B3GALT1: variants seen among roughly 807,000 people sequenced by gnomAD.
B3GALT1 encodes beta-1,3-galactosyltransferase 1.
Under a neutral mutation model 23.2 loss-of-function variants are expected in B3GALT1, and 10 were observed. The ratio of observed to expected loss-of-function variants is 0.43; its 90% CI spans 0.27 to 0.73. The LOEUF (loss-of-function observed/expected upper bound fraction) is 0.73, where lower values mean the gene tolerates loss of function less well. Among genes scored for constraint, B3GALT1 ranks in the 30% least tolerant of loss-of-function variants. The pLI is 0.21. For missense variants in B3GALT1, 299 were observed against 405.4 expected (o/e 0.74, Z 2.25); for synonymous variants, 156 against 141.5 (o/e 1.10, Z -0.73).
At chr2:167,724,479 A>G (rs1574232009) in intron 3 of B3GALT1, among the ~76,000 whole-genome samples, 1 of 152,214 alleles carries the variant, frequency 6.6e-6, no homozygotes, top group Non-Finnish European at 1.5e-5. Flanking sequence ...TTATGCCTCT[A>G]TAGTAGTTTT....
At chr2:167,603,081 T>G (rs1438418467) in intron 2 of B3GALT1, among the ~76,000 whole-genome samples, 2 of 152,176 alleles carry the variant, frequency 1.3e-5, no homozygotes, top group Non-Finnish European at 2.9e-5. Context: ...AAACAGGGAT[T>G]GCACACAAGT....
At position 167,512,607 on chromosome 2, in the gene B3GALT1, T is replaced by TATATATATATAC. The variant is rs1558887854; in HGVS notation, c.-410+22330_-410+22331insATATATATATAC. Reference sequence around the variant, plus strand: ...ATATATATATGTGTATATATATATATGTATATATATATACGTGTATATATA... The same window carrying TATATATATATAC: ...ATATATATATGTGTATATATATATATATATATATATACGTATATATATATACGTGTATATATA... On this transcript the variant is annotated intron_variant, in intron 2 of 4. Coordinates refer to ENST00000392690, the MANE Select transcript of B3GALT1 (RefSeq NM_020981.4). Among the ~76,000 whole-genome samples, 3 of 80,270 alleles carry TATATATATATAC rather than the reference T, an allele frequency of 3.7e-5. 1 individual carries two copies. The highest frequency in any genetic ancestry group is 1.9e-4 in the African/African-American group (3 of 16,080). The allele number at this position is 80,270 out of a possible 152,430, so 52.7% of individuals were successfully genotyped here.
intron 4 of B3GALT1, among the ~76,000 whole-genome samples, chr2:167,846,176 G>C (rs547488718): frequency 1.3e-5 from 2 of 152,282 alleles, no homozygotes; most frequent in South Asian, 4.1e-4. Context: ...TGGAAACCAT[G>C]TTTGGGAGAA....
intron 2 of B3GALT1, among the ~76,000 whole-genome samples, chr2:167,536,822 A>G (rs1018701049): frequency 1.3e-5 from 2 of 152,124 alleles, no homozygotes; most frequent in African/African-American, 4.8e-5. Context: ...GTTGTGGAGG[A>G]ACATATTGAC....
In B3GALT1 at chr2:167,638,808, A is replaced by G. The variant is rs147093385; in HGVS notation, c.-409-8101A>G. On this transcript the variant is annotated intron_variant, in intron 2 of 4. Coordinates refer to ENST00000392690, the MANE Select transcript of B3GALT1 (RefSeq NM_020981.4). Reference sequence around the variant, plus strand: ...GTTTTCAAGTCTTTCTTGAATATCAAACTTTTAGTGTTAATAGAGTCCATT... The same window carrying G: ...GTTTTCAAGTCTTTCTTGAATATCAGACTTTTAGTGTTAATAGAGTCCATT... Among the ~76,000 whole-genome samples the G allele has an allele frequency of 4.4e-3, 672 of 152,140 alleles. 4 individuals carry two copies. Among genetic ancestry groups the G allele is most frequent in the African/African-American group, 0.015 (638 of 41,528 alleles).
intron 3 of B3GALT1, among the ~76,000 whole-genome samples, chr2:167,677,920 C>T (rs1399363516): frequency 1.3e-5 from 2 of 152,076 alleles, no homozygotes; most frequent in Admixed American, 6.6e-5. Flanking sequence ...CTTATAAAAC[C>T]GTCAGATCTT....
At chr2:167,457,640 C>T (rs1311601087) in intron 1 of B3GALT1, among the ~76,000 whole-genome samples, 2 of 152,044 alleles carry the variant, frequency 1.3e-5, no homozygotes, top group Non-Finnish European at 2.9e-5. Flanking sequence ...CTGAAATCAT[C>T]ATATACTAAT....
chr2:167,859,246 A>G (rs1690054894), intron 4 of B3GALT1, among the ~76,000 whole-genome samples: 1 of 152,182 alleles, frequency 6.6e-6, no homozygotes. Flanking sequence ...TGTGTCTTAT[A>G]TAAGGCAGTC....
intron 2 of B3GALT1, among the ~76,000 whole-genome samples, chr2:167,631,219 T>C (rs1685435667): frequency 6.6e-6 from 1 of 151,882 alleles, no homozygotes; most frequent in Admixed American, 6.6e-5. Flanking sequence ...AAACAGGGCA[T>C]CATGTTCTGA....
intron 3 of B3GALT1, among the ~76,000 whole-genome samples, chr2:167,746,437 G>A (rs1558966470): frequency 6.6e-6 from 1 of 152,194 alleles, no homozygotes; most frequent in South Asian, 2.1e-4. Context: ...TCTCACATCT[G>A]TGACAGGGCA....
rs1312071171 is a variant in B3GALT1 at position 167,823,281 on chromosome 2, A to AACAAATAAGC, written c.-230+4488_-230+4489insACAAATAAGC. Among the ~76,000 whole-genome samples, 7 of 152,290 alleles carry AACAAATAAGC rather than the reference A, an allele frequency of 4.6e-5. No individual in the cohort carries two copies. In the East Asian group the frequency reaches 1.4e-3, roughly 29 times the overall value. On this transcript the variant is annotated intron_variant, in intron 4 of 4. Coordinates refer to ENST00000392690, the MANE Select transcript of B3GALT1 (RefSeq NM_020981.4). ...TTATTTGTTACAGCTGCTGGTGTGG[A>AACAAATAAGC]CCTAACAGAGAGTATGCATCTTTCT...
At chr2:167,371,928 A>G (rs1402363643) in intron 1 of B3GALT1, among the ~76,000 whole-genome samples, 1 of 151,790 alleles carries the variant, frequency 6.6e-6, no homozygotes, top group African/African-American at 2.4e-5. Flanking sequence ...ACTTTAAAAT[A>G]TATTTATAAT....
chr2:167,500,651 A>G (rs956375259), intron 2 of B3GALT1, among the ~76,000 whole-genome samples: 1 of 151,936 alleles, frequency 6.6e-6, no homozygotes, highest in African/African-American at 2.4e-5. Context: ...AAAAATGCAC[A>G]TATTGTGCTC....
At chr2:167,629,331 A>G (rs1444320661) in intron 2 of B3GALT1, among the ~76,000 whole-genome samples, 2 of 151,752 alleles carry the variant, frequency 1.3e-5, no homozygotes, top group Non-Finnish European at 2.9e-5. Flanking sequence ...TGAAGTTATT[A>G]AACTTTGGAA....
At chr2:167,500,953 A>G (rs575661206) in intron 2 of B3GALT1, among the ~76,000 whole-genome samples, 2 of 152,178 alleles carry the variant, frequency 1.3e-5, no homozygotes, top group Non-Finnish European at 2.9e-5. Context: ...TAGTGAGACC[A>G]TTAACTATAA....
At chr2:167,445,875 T>C (rs1329363140) in intron 1 of B3GALT1, among the ~76,000 whole-genome samples, 1 of 152,222 alleles carries the variant, frequency 6.6e-6, no homozygotes, top group African/African-American at 2.4e-5. Context: ...TTAAGGTTCA[T>C]ATTGTTATGT....
At chr2:167,346,866 C>A (rs1404647172) in intron 1 of B3GALT1, among the ~76,000 whole-genome samples, 1 of 151,930 alleles carries the variant, frequency 6.6e-6, no homozygotes, top group Non-Finnish European at 1.5e-5. Flanking sequence ...GGGGAAAAAA[C>A]AATTTTCTAC....
intron 1 of B3GALT1, among the ~76,000 whole-genome samples, chr2:167,488,579 T>C (rs1380927092): frequency 6.6e-6 from 1 of 152,238 alleles, no homozygotes; most frequent in Non-Finnish European, 1.5e-5. Flanking sequence ...GTCCTATTGT[T>C]TGTCTGTTTG....
intron 1 of B3GALT1, among the ~76,000 whole-genome samples, chr2:167,437,985 T>C (rs188035167): frequency 5.3e-5 from 8 of 152,356 alleles, no homozygotes; most frequent in African/African-American, 1.7e-4. Flanking sequence ...AATGGCACTT[T>C]CTTCCCTCCT....
Sources: allele counts gnomAD v4.1 joint callset (sites outside exome capture counted in the v4.1 genomes callset), GRCh38; gene constraint gnomAD v4.1.1; transcripts MANE v1.5; gene names NCBI Gene and HGNC (gene_info 2026-07-23, HGNC 2026-07-21).